The following PDXK variants were observed in gnomAD, a reference collection of about 807,000 sequenced individuals.
The protein encoded by PDXK is epididymis secretory sperm binding protein Li 1a.
In PDXK, 15 loss-of-function variants were observed where a neutral mutation model predicts 43.2. That is an observed-to-expected ratio of 0.35 (90% CI 0.23 to 0.53). The LOEUF (loss-of-function observed/expected upper bound fraction) is 0.53, where lower values mean the gene tolerates loss of function less well. Among genes scored for constraint, PDXK ranks in the 20% least tolerant of loss-of-function variants. The probability of loss-of-function intolerance (pLI) is 0.92; values close to 1 mark genes in which losing one functional copy is unlikely to be tolerated. For synonymous variants in PDXK, 172 were observed against 165.4 expected (o/e 1.04, Z -0.31); for missense variants, 343 against 417.0 (o/e 0.82, Z 1.54).
At chr21:43,720,383 G>A (rs2083197440) in intron 1 of PDXK, among the ~76,000 whole-genome samples, 1 of 152,208 alleles carries the variant, frequency 6.6e-6, no homozygotes, top group Non-Finnish European at 1.5e-5. Context: ...CTGCGGTGCG[G>A]GCTGGCCTGG....
chr21:43,725,301 C>T (rs994428335), intron 1 of PDXK, among the ~76,000 whole-genome samples: 1 of 151,106 alleles, frequency 6.6e-6, no homozygotes, highest in African/African-American at 2.5e-5. Flanking sequence ...CCAGCACGGG[C>T]GACAGAGCAA....
rs2083378968 is a variant in PDXK at position 43,734,911 on chromosome 21, G to A, written c.142+788G>A. On this transcript the variant is annotated intron_variant, in intron 2 of 10. Coordinates refer to ENST00000291565, the MANE Select transcript of PDXK (RefSeq NM_003681.5). This position sits in a 1 kb window ranked among gnomAD's most constrained non-coding sequence, Gnocchi z 5.0. The stretch of plus-strand genomic sequence containing the variant: ...AGGCGGAACCTTGGGAGCACAGAAC[G>A]TCCCAGAAACAGCCTGGCAGAGCAT... Among the ~76,000 whole-genome samples the A allele has an allele frequency of 6.6e-6, 1 of 152,228 alleles. No individual in the cohort carries two copies. The highest frequency in any genetic ancestry group is 2.4e-5 in the African/African-American group (1 of 41,448).
Position 43,723,683 on chromosome 21 carries a change from G to T in PDXK, c.87+4302G>T, listed in dbSNP as rs1317386028. 6.6e-6 allele frequency: 1 copy of T among 152,268 alleles called. No individual in the cohort carries two copies. The highest frequency in any genetic ancestry group is 2.4e-5 in the African/African-American group (1 of 41,458). 9.4% of individuals were successfully genotyped at this position (152,268 alleles called of 1,614,324 possible). On this transcript the variant is annotated intron_variant, in intron 1 of 10. Coordinates refer to ENST00000291565, the MANE Select transcript of PDXK (RefSeq NM_003681.5). The surrounding 1 kb of genome is among the most constrained non-coding windows in gnomAD (Gnocchi z 4.1). ...CTCCAAACTGGGCTGTGCAGAGATTGTCCCAAGCACGTCTGAGGCCAGTAG... is the reference window on the plus strand; with the variant it reads ...CTCCAAACTGGGCTGTGCAGAGATTTTCCCAAGCACGTCTGAGGCCAGTAG...
chr21:43,755,454 G>A (rs78159912), intron 9 of PDXK: 94,884 of 554,668 alleles, frequency 0.17, 9,949 homozygotes, highest in Non-Finnish European at 0.22. Flanking sequence ...TCCCTTCTGT[G>A]AGCCATCTCT....
chr21:43,745,832 A>G (rs1315030711), intron 4 of PDXK: 2 of 545,858 alleles, frequency 3.7e-6, no homozygotes, highest in African/African-American at 3.8e-5. Context: ...ACCCATCTGT[A>G]CAAATCATTT....
chr21:43,745,194 C>T (rs1160668359), intron 4 of PDXK, among the ~76,000 whole-genome samples: 1 of 152,080 alleles, frequency 6.6e-6, no homozygotes, highest in African/African-American at 2.4e-5. Context: ...CTGAGGTGGG[C>T]GGATCACCTG....
At chr21:43,741,813 A>T (rs769120705) in intron 3 of PDXK, 42 bp downstream of exon 3, 2 of 1,348,764 alleles carry the variant, frequency 1.5e-6, no homozygotes, top group Admixed American at 1.7e-5. Flanking sequence ...TACGCACCCC[A>T]CTCCAGCCAG....
rs1180278856 is a variant in PDXK, at chr21:43,719,274, G to C, written c.-21G>C. 9.2e-6 allele frequency: 13 copies of C among 1,409,498 alleles called. No individual in the cohort carries two copies. The highest frequency in any genetic ancestry group is 1.2e-5 in the Non-Finnish European group (13 of 1,070,490). The allele number at this position is 1,409,498 out of a possible 1,614,324, so 87.3% of individuals were successfully genotyped here. A position where few individuals can be genotyped will look rare whatever the true frequency, so the allele number is the denominator to read the frequency against. On this transcript the variant is annotated 5_prime_UTR_variant, in exon 1 of 11. Coordinates refer to ENST00000291565, the MANE Select transcript of PDXK (RefSeq NM_003681.5). ...GACCGTGCCCCCGCCTCGGCCCCGC[G>C]CCGCCGCGGCCAGGCCCGGCATGGA...
Position 43,732,163 on chromosome 21 carries a change from C to A in PDXK, c.88-1906C>A. Reference sequence around the variant, plus strand: ...GGCTTCAGTTTCACATTCTTGGTACCTCCTGGTGGTGCCTGGGAGGGAGCC... The same window carrying A: ...GGCTTCAGTTTCACATTCTTGGTACATCCTGGTGGTGCCTGGGAGGGAGCC... On this transcript the variant is annotated intron_variant, in intron 1 of 10. Coordinates refer to ENST00000291565, the MANE Select transcript of PDXK (RefSeq NM_003681.5). The surrounding 1 kb of genome is among the most constrained non-coding windows in gnomAD (Gnocchi z 4.1). 1 of 1,403,968 alleles carries A rather than the reference C, an allele frequency of 7.1e-7. No individual in the cohort carries two copies. 87.0% of individuals were successfully genotyped at this position (1,403,968 alleles called of 1,614,324 possible).
rs1005816809 is a variant in PDXK at position 43,737,766 on chromosome 21, G to C, written c.142+3643G>C. ...GGGGCCAGGCCGGGCCAGACTCCCT[G>C]GCCGGCTGGGATCTGACAGGAGTGC... On this transcript the variant is annotated intron_variant, in intron 2 of 10. Transcript: ENST00000291565. The surrounding 1 kb of genome is among the most constrained non-coding windows in gnomAD (Gnocchi z 4.8). The C allele has an allele frequency of 1.0e-6, 1 of 985,344 alleles. No homozygotes were observed. Among genetic ancestry groups the C allele is most frequent in the Non-Finnish European group, 1.2e-6 (1 of 829,870 alleles). The allele number at this position is 985,344 out of a possible 1,614,324, so 61.0% of individuals were successfully genotyped here.
chr21:43,729,458 C>T (rs1449338612), intron 1 of PDXK, among the ~76,000 whole-genome samples: 1 of 152,216 alleles, frequency 6.6e-6, no homozygotes, highest in Non-Finnish European at 1.5e-5. Context: ...GCCCGGGGTT[C>T]TGCAGCCCAG....
intron 1 of PDXK, among the ~76,000 whole-genome samples, chr21:43,730,337 G>A (rs2083302258): frequency 6.6e-6 from 1 of 152,128 alleles, no homozygotes; most frequent in Admixed American, 6.5e-5. Flanking sequence ...TGTTGTCCAG[G>A]CTGGTCTCGA....
chr21:43,757,254 TC>T lies in PDXK; in HGVS notation c.*1197del. The T allele has an allele frequency of 1.3e-5, 2 of 152,728 alleles. No homozygotes were observed. The highest frequency in any genetic ancestry group is 2.9e-5 in the Non-Finnish European group (2 of 68,374). 9.5% of individuals were successfully genotyped at this position (152,728 alleles called of 1,614,324 possible). A position where few individuals can be genotyped will look rare whatever the true frequency, so the allele number is the denominator to read the frequency against. ...GCCCCACTTTGCCCAGAGTTTGGGG[TC>T]CCCCCAGGTATAGCTATAGGCGGCA... On this transcript the variant is annotated 3_prime_UTR_variant, in exon 11 of 11. Coordinates refer to ENST00000291565, the MANE Select transcript of PDXK (RefSeq NM_003681.5).
intron 1 of PDXK, chr21:43,733,826 G>C: frequency 1.4e-6 from 1 of 691,018 alleles, no homozygotes; most frequent in East Asian, 2.8e-5. Context: ...ATGCCCTCCC[G>C]GGCTGGTTGC....
Position 43,723,210 on chromosome 21 carries a change from A to G in PDXK, c.87+3829A>G, listed in dbSNP as rs1005406658. Among the ~76,000 whole-genome samples the G allele has an allele frequency of 1.3e-5, 2 of 149,198 alleles. No individual in the cohort carries two copies. Among genetic ancestry groups the G allele is most frequent in the African/African-American group, 5.0e-5 (2 of 40,188 alleles). On this transcript the variant is annotated intron_variant, in intron 1 of 10. Coordinates refer to ENST00000291565, the MANE Select transcript of PDXK (RefSeq NM_003681.5). The surrounding 1 kb of genome is among the most constrained non-coding windows in gnomAD (Gnocchi z 4.1). ...CACTCTGTCGCTCAGGCTGAAGTAC[A>G]ATGGAGCGATCTAGGCTCACTGCAA...
intron 1 of PDXK, among the ~76,000 whole-genome samples, chr21:43,731,819 T>G (rs565767030): frequency 1.3e-5 from 2 of 152,234 alleles, no homozygotes; most frequent in South Asian, 4.2e-4. Flanking sequence ...AGCCAGGTAT[T>G]GAGAAAATAG....
chr21:43,751,793 C>A (rs994918957), intron 7 of PDXK, among the ~76,000 whole-genome samples: 1 of 152,212 alleles, frequency 6.6e-6, no homozygotes, highest in Non-Finnish European at 1.5e-5. Flanking sequence ...AATCATGCCC[C>A]AGAGGACCCC....
intron 2 of PDXK, 77 bp from the exon 3 acceptor site, chr21:43,741,590 G>C: frequency 6.3e-7 from 1 of 1,580,088 alleles, no homozygotes; most frequent in Non-Finnish European, 8.6e-7. Flanking sequence ...CAGGGAGAGT[G>C]GGCGGGTGTC....
Position 43,735,995 on chromosome 21 carries a change from C to A in PDXK, c.142+1872C>A, listed in dbSNP as rs9985073. Among the ~76,000 whole-genome samples, 1 of 152,090 alleles carries A rather than the reference C, an allele frequency of 6.6e-6. No homozygotes were observed. The highest frequency in any genetic ancestry group is 2.4e-5 in the African/African-American group (1 of 41,402). On this transcript the variant is annotated intron_variant, in intron 2 of 10. Transcript: ENST00000291565. The surrounding 1 kb of genome is among the most constrained non-coding windows in gnomAD (Gnocchi z 5.3). ...TCAAGACGGGGGACTCGGCCTCCTC[C>A]GTGCAGCCCCTCAGCCCCTCTGGGC...
Sources: allele counts gnomAD v4.1 joint callset (sites outside exome capture counted in the v4.1 genomes callset), GRCh38; gene constraint gnomAD v4.1.1; non-coding constraint Gnocchi (gnomAD v3.1); transcripts MANE v1.5; gene names NCBI Gene and HGNC (gene_info 2026-07-23, HGNC 2026-07-21).